The following ARHGEF7 variants were observed in gnomAD, a reference collection of about 807,000 sequenced individuals.
ARHGEF7 encodes the protein PAK-interacting exchange factor beta.
ARHGEF7 carries 33 observed loss-of-function variants against 109.8 expected under a neutral mutation model. The observed-to-expected ratio is 0.30, with a 90% CI of 0.23 to 0.40. The LOEUF is 0.40. Among genes scored for constraint, ARHGEF7 ranks in the 10% least tolerant of loss-of-function variants. The probability of loss-of-function intolerance (pLI) is 1.00; values close to 1 mark genes in which losing one functional copy is unlikely to be tolerated. For missense variants in ARHGEF7, 938 were observed against 1,098.5 expected, an observed-to-expected ratio of 0.85 and a Z score of 2.07; for synonymous variants, 458 against 424.6, an observed-to-expected ratio of 1.08 and a Z score of -0.97.
chr13:111,187,443 T>C (rs929968104), intron 2 of ARHGEF7, among the ~76,000 whole-genome samples: 3 of 152,228 alleles, frequency 2.0e-5, no homozygotes, highest in African/African-American at 7.2e-5. Context: ...GCCTTCCGGT[T>C]CTGAGCTTGT....
chr13:111,219,400 A>T (rs866713615), intron 5 of ARHGEF7, among the ~76,000 whole-genome samples: 1 of 152,224 alleles, frequency 6.6e-6, no homozygotes, highest in Non-Finnish European at 1.5e-5. Flanking sequence ...GTTGATGGGA[A>T]CTTGGGTTAC....
At chr13:111,240,846 A>G (rs2087643039) in intron 6 of ARHGEF7, among the ~76,000 whole-genome samples, 1 of 152,238 alleles carries the variant, frequency 6.6e-6, no homozygotes, top group African/African-American at 2.4e-5. Flanking sequence ...ATGAAACAAA[A>G]AAAATTAATG....
Position 111,266,722 on chromosome 13 carries a change from TAGG to T in ARHGEF7, c.951-821_951-819del. The T allele has an allele frequency of 4.6e-6, 2 of 437,106 alleles. No individual in the cohort carries two copies. Among genetic ancestry groups the T allele is most frequent in the Non-Finnish European group, 4.7e-6 (1 of 212,496 alleles). 27.1% of individuals were successfully genotyped at this position (437,106 alleles called of 1,614,324 possible). A position where few individuals can be genotyped will look rare whatever the true frequency, so the allele number is the denominator to read the frequency against. On this transcript the variant is annotated intron_variant, in intron 8 of 21. Coordinates refer to ENST00000646102, the MANE Select transcript of ARHGEF7 (RefSeq NM_001354046.2). The surrounding 1 kb of genome is among the most constrained non-coding windows in gnomAD (Gnocchi z 4.8). ...TTTTCTCTGGCTCCCATTCCCTAGG[TAGG>T]AGGATGTAATCCTTCTGGTAATATT...
intron 18 of ARHGEF7, among the ~76,000 whole-genome samples, chr13:111,289,291 C>T (rs1466338074): frequency 1.3e-5 from 2 of 152,212 alleles, no homozygotes; most frequent in African/African-American, 4.8e-5. Context: ...GCCTCAGCCT[C>T]CCAGAGTGCT....
intron 5 of ARHGEF7, among the ~76,000 whole-genome samples, chr13:111,227,293 C>T (rs1176125027): frequency 6.6e-6 from 1 of 152,194 alleles, no homozygotes; most frequent in Non-Finnish European, 1.5e-5. Flanking sequence ...TACCAAATAG[C>T]ATCTCACGCT....
At position 111,253,625 on chromosome 13, in the gene ARHGEF7, C is replaced by T. The variant is rs1237496252; in HGVS notation, c.950+9331C>T. 2.6e-5 allele frequency among the ~76,000 whole-genome samples: 4 copies of T among 152,202 alleles called. No individual in the cohort carries two copies. The East Asian group carries it at 7.7e-4, about 29-fold the overall frequency. On this transcript the variant is annotated intron_variant, in intron 8 of 21. Coordinates refer to ENST00000646102, the MANE Select transcript of ARHGEF7 (RefSeq NM_001354046.2). ...CTGTTCCCGTCTCAGATGTACAGCT[C>T]TTGAAATAGTGAGGGTGCCTGGATC... is the stretch of plus-strand genomic sequence containing the variant.
At chr13:111,168,152 G>A (rs2077282067) in intron 2 of ARHGEF7, among the ~76,000 whole-genome samples, 1 of 152,190 alleles carries the variant, frequency 6.6e-6, no homozygotes, top group Non-Finnish European at 1.5e-5. Context: ...CCAGGTCATA[G>A]GGAGACTGTC....
At chr13:111,192,307 C>G (rs559042885) in intron 2 of ARHGEF7, among the ~76,000 whole-genome samples, 1 of 152,196 alleles carries the variant, frequency 6.6e-6, no homozygotes, top group Admixed American at 6.5e-5. Flanking sequence ...TACAAAGAGC[C>G]CATGGATGGG....
intron 1 of ARHGEF7, among the ~76,000 whole-genome samples, chr13:111,138,451 A>G (rs1324373855): frequency 4.6e-5 from 7 of 152,182 alleles, no homozygotes. Flanking sequence ...ACTGCCCTCC[A>G]GCCTGGATGA....
rs149140375 is a variant in ARHGEF7 at position 111,173,259 on chromosome 13, G to A, written c.252+19268G>A. 2.8e-3 allele frequency among the ~76,000 whole-genome samples: 425 copies of A among 152,304 alleles called. 5 individuals are homozygous for A. Among genetic ancestry groups the A allele is most frequent in the Non-Finnish European group, 3.9e-3 (267 of 68,018 alleles). On this transcript the variant is annotated intron_variant, in intron 2 of 21. Coordinates refer to ENST00000646102, the MANE Select transcript of ARHGEF7 (RefSeq NM_001354046.2). ...GTTGGGGTGGAATGCATACTGCCTG[G>A]GAGGGCTGGCCGGTCTCAGAGCCTG...
chr13:111,245,151 C>A (rs914839625), intron 8 of ARHGEF7, among the ~76,000 whole-genome samples: 4 of 152,124 alleles, frequency 2.6e-5, no homozygotes, highest in Admixed American at 2.0e-4. Flanking sequence ...TTGTAGTTTT[C>A]AAAGCATCTC....
rs931859378 is a variant in ARHGEF7 at position 111,304,402 on chromosome 13, C to G, written c.*1289C>G. On this transcript the variant is annotated 3_prime_UTR_variant, in exon 22 of 22. Transcript: ENST00000646102. ...CCACAGGGACTTTGCTTTTGGTTTC[C>G]TTTCCTGTGAAAAGGTTGGTTTTAA... 3 of 152,242 alleles carry G rather than the reference C, an allele frequency of 2.0e-5. No homozygotes were observed. Among genetic ancestry groups the G allele is most frequent in the Non-Finnish European group, 4.4e-5 (3 of 68,054 alleles). The allele number at this position is 152,242 out of a possible 1,614,324, so 9.4% of individuals were successfully genotyped here. A position where few individuals can be genotyped will look rare whatever the true frequency, so the allele number is the denominator to read the frequency against.
chr13:111,193,480 A>G (rs2080142050), intron 2 of ARHGEF7, among the ~76,000 whole-genome samples: 1 of 152,260 alleles, frequency 6.6e-6, no homozygotes, highest in Non-Finnish European at 1.5e-5. Context: ...CAATGACTCC[A>G]TAATTTCCTT....
At chr13:111,241,554 C>G (rs1469475264) in intron 6 of ARHGEF7, among the ~76,000 whole-genome samples, 1 of 152,222 alleles carries the variant, frequency 6.6e-6, no homozygotes, top group Non-Finnish European at 1.5e-5. Context: ...AATTAACCAA[C>G]TTAACTATTT....
At chr13:111,254,599 C>G (rs1338015178) in intron 8 of ARHGEF7, among the ~76,000 whole-genome samples, 1 of 149,418 alleles carries the variant, frequency 6.7e-6, no homozygotes, top group East Asian at 2.0e-4. Context: ...GAAGAGGATT[C>G]GGGCTAAGGC....
Position 111,233,275 on chromosome 13 carries a change from C to T in ARHGEF7, c.741C>T (p.Asn247=). ...PPKGFDTTAI[N]KSYYNVVLQN... The stretch of plus-strand genomic sequence containing the variant: ...AAGGATTTGATACGACTGCCATAAA[C>T]AAAAGCTATTACAATGTGGTGAGTA... Residue 247 remains asparagine, a synonymous_variant, in exon 6 of 22, where the codon AAC becomes AAT. Coordinates refer to ENST00000646102, the MANE Select transcript of ARHGEF7 (RefSeq NM_001354046.2). 6.2e-7 allele frequency: 1 copy of T among 1,613,874 alleles called. No homozygotes were observed. Among genetic ancestry groups the T allele is most frequent in the South Asian group, 1.1e-5 (1 of 91,074 alleles).
intron 5 of ARHGEF7, among the ~76,000 whole-genome samples, chr13:111,231,361 G>T (rs1240152875): frequency 6.6e-6 from 1 of 152,168 alleles, no homozygotes; most frequent in Non-Finnish European, 1.5e-5. Context: ...TTTGTTTCCT[G>T]TGGAGTTTTG....
At chr13:111,250,609 GT>G (rs751179639) in intron 8 of ARHGEF7, among the ~76,000 whole-genome samples, 1 of 152,192 alleles carries the variant, frequency 6.6e-6, no homozygotes, top group South Asian at 2.1e-4. Context: ...CTGACACTGA[GT>G]TTCCAGTGGT....
rs576971684 is a variant in ARHGEF7 at position 111,148,561 on chromosome 13, G to T, written c.166-5344G>T. Among the ~76,000 whole-genome samples, 313 of 152,276 alleles carry T rather than the reference G, an allele frequency of 2.1e-3. 8 individuals carry two copies. The highest frequency in any genetic ancestry group is 3.5e-4 in the Non-Finnish European group (24 of 68,010). ...ACCTAAAACTGACTAGCCTTAGAAGGTGCCAAGCCATGGAAGACATGAAGC... is the reference window on the plus strand; with the variant it reads ...ACCTAAAACTGACTAGCCTTAGAAGTTGCCAAGCCATGGAAGACATGAAGC... On this transcript the variant is annotated intron_variant, in intron 1 of 21. Coordinates refer to ENST00000646102, the MANE Select transcript of ARHGEF7 (RefSeq NM_001354046.2).
Sources: gnomAD v4.1 joint callset for allele counts (sites outside exome capture counted in the v4.1 genomes callset) on GRCh38, gnomAD v4.1.1 for gene constraint, Gnocchi (gnomAD v3.1) non-coding constraint, MANE v1.5 for transcripts, NCBI Gene and HGNC (gene_info 2026-07-23, HGNC 2026-07-21) for gene names.